Variants in SRBD1 observed in about 807,000 individuals in gnomAD.
The protein encoded by SRBD1 is S1 RNA binding domain 1.
In SRBD1, 88 loss-of-function variants were observed where a neutral mutation model predicts 115.3. That is an observed-to-expected ratio of 0.76 (90% CI 0.64 to 0.91). The LOEUF (loss-of-function observed/expected upper bound fraction) is 0.91. SRBD1 is among the 40% of genes least tolerant of loss of function. The probability of loss-of-function intolerance (pLI) is 0.00; values close to 1 mark genes in which losing one functional copy is unlikely to be tolerated. For synonymous variants in SRBD1, 509 were observed against 407.7 expected (o/e 1.25, Z -2.99); for missense variants, 1,385 against 1,177.4 (o/e 1.18, Z -2.58).
chr2:45,501,228 A>C (rs1670620754), intron 14 of SRBD1, among the ~76,000 whole-genome samples: 1 of 152,210 alleles, frequency 6.6e-6, no homozygotes, highest in Non-Finnish European at 1.5e-5. Flanking sequence ...CTTGGGATGA[A>C]TCTCACTTGA....
At chr2:45,445,853 T>C (rs1304560385) in intron 16 of SRBD1, among the ~76,000 whole-genome samples, 2 of 152,160 alleles carry the variant, frequency 1.3e-5, no homozygotes, top group East Asian at 1.9e-4. Context: ...AATGGAAACA[T>C]GGTTTAAAAA....
intron 15 of SRBD1, among the ~76,000 whole-genome samples, chr2:45,480,046 T>C (rs1669913661): frequency 6.6e-6 from 1 of 152,188 alleles, no homozygotes; most frequent in Admixed American, 6.6e-5. Flanking sequence ...CATGGTTTAC[T>C]GAATATTTTA....
intron 17 of SRBD1, 130 bp from the exon 18 acceptor site, chr2:45,418,671 G>T: frequency 6.2e-5 from 39 of 632,082 alleles, no homozygotes; most frequent in Middle Eastern, 5.9e-4. Context: ...ATCCAAAAGG[G>T]AGTTTAAAAA....
intron 14 of SRBD1, among the ~76,000 whole-genome samples, chr2:45,531,466 ATT>A (rs1230585788): frequency 4.6e-5 from 7 of 151,882 alleles, no homozygotes; most frequent in African/African-American, 1.4e-4. Context: ...TAAAGTATAT[ATT>A]TGAAGGCAAG....
chr2:45,518,963 C>T (rs1330770041), intron 14 of SRBD1, among the ~76,000 whole-genome samples: 1 of 123,828 alleles, frequency 8.1e-6, no homozygotes, highest in African/African-American at 3.3e-5. Flanking sequence ...ACGAATAAGG[C>T]TAAAAAAAAA....
chr2:45,494,837 T>C (rs1460227768), intron 14 of SRBD1, among the ~76,000 whole-genome samples: 1 of 152,194 alleles, frequency 6.6e-6, no homozygotes, highest in East Asian at 1.9e-4. Flanking sequence ...CTTACTTCAA[T>C]ACCAAAGGAG....
At chr2:45,552,426 T>C (rs900065425) in intron 11 of SRBD1, among the ~76,000 whole-genome samples, 2 of 152,230 alleles carry the variant, frequency 1.3e-5, no homozygotes, top group Non-Finnish European at 2.9e-5. Flanking sequence ...ATACATTAAA[T>C]GATCCCACAT....
At chr2:45,535,909 G>A (rs533614002) in intron 14 of SRBD1, among the ~76,000 whole-genome samples, 2 of 152,006 alleles carry the variant, frequency 1.3e-5, no homozygotes, top group Non-Finnish European at 2.9e-5. Context: ...GAGGGATTCA[G>A]TTCTTAAATT....
rs911791322 is a variant in SRBD1, at chr2:45,437,771, T to C, written c.2050-17877A>G. 5.2e-4 allele frequency among the ~76,000 whole-genome samples: 79 copies of C among 152,150 alleles called. 2 individuals carry two copies. Among genetic ancestry groups the C allele is most frequent in the African/African-American group, 1.8e-3 (73 of 41,504 alleles). On this transcript the variant is annotated intron_variant, in intron 16 of 20. Coordinates refer to ENST00000263736, the MANE Select transcript of SRBD1 (RefSeq NM_018079.5). ...TGAAACAAACTCACATCAAAATGAA[T>C]CATAGACCTAAATGTAAAACATGAA...
At chr2:45,435,560 G>C (rs1265786674) in intron 16 of SRBD1, among the ~76,000 whole-genome samples, 1 of 75,040 alleles carries the variant, frequency 1.3e-5, no homozygotes, top group Non-Finnish European at 2.6e-5. Flanking sequence ...AAGGCCAGGG[G>C]AAAAAAAAAA....
intron 2 of SRBD1, among the ~76,000 whole-genome samples, chr2:45,603,070 T>C (rs1333693833): frequency 2.0e-5 from 3 of 152,042 alleles, no homozygotes; most frequent in Admixed American, 6.5e-5. Context: ...ACCAATGAAA[T>C]AGAAAACTAG....
chr2:45,511,032 C>T (rs994218804), intron 14 of SRBD1, among the ~76,000 whole-genome samples: 1 of 152,154 alleles, frequency 6.6e-6, no homozygotes, highest in African/African-American at 2.4e-5. Context: ...ATGAGTATTG[C>T]GAACCAACAA....
chr2:45,520,692 G>A (rs898069888), intron 14 of SRBD1, among the ~76,000 whole-genome samples: 1 of 152,156 alleles, frequency 6.6e-6, no homozygotes, highest in Non-Finnish European at 1.5e-5. Context: ...GAGGAGAGAA[G>A]GAGCATCTGA....
At chr2:45,426,630 T>C (rs1668163699) in intron 16 of SRBD1, among the ~76,000 whole-genome samples, 1 of 152,108 alleles carries the variant, frequency 6.6e-6, no homozygotes, top group Non-Finnish European at 1.5e-5. Context: ...GGTGCCCCTC[T>C]AGGACAAAGC....
At chr2:45,566,268 T>C (rs886595749) in intron 9 of SRBD1, among the ~76,000 whole-genome samples, 2 of 152,216 alleles carry the variant, frequency 1.3e-5, no homozygotes, top group South Asian at 2.1e-4. Context: ...CGAATGTTCA[T>C]AGCATTATTC....
At chr2:45,470,545 T>G (rs888670444) in intron 16 of SRBD1, among the ~76,000 whole-genome samples, 2 of 152,128 alleles carry the variant, frequency 1.3e-5, no homozygotes, top group African/African-American at 4.8e-5. Context: ...CATTACCAAA[T>G]GGAGGTGTTA....
At chr2:45,402,983 G>A (rs892936646) in intron 19 of SRBD1, among the ~76,000 whole-genome samples, 1 of 152,100 alleles carries the variant, frequency 6.6e-6, no homozygotes, top group African/African-American at 2.4e-5. Context: ...TACTAATATA[G>A]CAGCAATTTT....
chr2:45,547,761 C>T (rs1672167427), intron 12 of SRBD1, 149 bp from the exon 13 acceptor site: 1 of 585,574 alleles, frequency 1.7e-6, no homozygotes, highest in East Asian at 3.0e-5. Flanking sequence ...AAATCAGATT[C>T]TTCCTAACCT....
intron 14 of SRBD1, among the ~76,000 whole-genome samples, chr2:45,544,143 G>C (rs1412444952): frequency 6.8e-6 from 1 of 147,778 alleles, no homozygotes; most frequent in African/African-American, 2.5e-5. Flanking sequence ...TGAGGCAGGA[G>C]AATGGCATGA....
Sources: gnomAD v4.1 joint callset for allele counts (sites outside exome capture counted in the v4.1 genomes callset) on GRCh38, gnomAD v4.1.1 for gene constraint, MANE v1.5 for transcripts, NCBI Gene and HGNC (gene_info 2026-07-23, HGNC 2026-07-21) for gene names.